Variants in GPC6 observed in about 807,000 individuals in gnomAD.
GPC6 encodes the protein glypican-6.
In GPC6, 14 loss-of-function variants were observed where a neutral mutation model predicts 55.2. The ratio of observed to expected loss-of-function variants is 0.25; its 90% confidence interval spans 0.17 to 0.40. The LOEUF (loss-of-function observed/expected upper bound fraction) is 0.40, where lower values mean the gene tolerates loss of function less well. Among genes scored for constraint, GPC6 ranks in the 10% least tolerant of loss-of-function variants. GPC6 has a pLI of 1.00. For missense variants in GPC6, 641 were observed against 708.5 expected, an observed-to-expected ratio of 0.90 and a Z score of 1.08; for synonymous variants, 278 against 259.6, an observed-to-expected ratio of 1.07 and a Z score of -0.68.
chr13:94,031,426 C>T (rs576900012), intron 4 of GPC6, among the ~76,000 whole-genome samples: 6 of 152,218 alleles, frequency 3.9e-5, no homozygotes, highest in Admixed American at 3.9e-4. Flanking sequence ...AAAGCACAAC[C>T]CAGATTCCAC....
intron 2 of GPC6, among the ~76,000 whole-genome samples, chr13:93,682,536 C>A (rs1241563679): frequency 6.6e-6 from 1 of 152,132 alleles, no homozygotes; most frequent in East Asian, 1.9e-4. Context: ...CGGCATTCCA[C>A]AGCATCCTCT....
chr13:93,501,283 G>C (rs1880510787), intron 1 of GPC6, among the ~76,000 whole-genome samples: 1 of 151,962 alleles, frequency 6.6e-6, no homozygotes, highest in Non-Finnish European at 1.5e-5. Context: ...CCTCTAAAGA[G>C]AAATAGCACT....
intron 2 of GPC6, among the ~76,000 whole-genome samples, chr13:93,572,259 G>A (rs1876442135): frequency 1.3e-5 from 2 of 152,162 alleles, no homozygotes; most frequent in South Asian, 4.1e-4. Flanking sequence ...TGCATTTGTG[G>A]TGCTTTTTAT....
chr13:93,845,901 T>C (rs1423015045), intron 3 of GPC6, among the ~76,000 whole-genome samples: 1 of 150,416 alleles, frequency 6.6e-6, no homozygotes, highest in Non-Finnish European at 1.5e-5. Context: ...AGTTAGTGGG[T>C]GCAGCGCACC....
At chr13:93,762,061 A>T (rs1190489192) in intron 2 of GPC6, among the ~76,000 whole-genome samples, 1 of 151,812 alleles carries the variant, frequency 6.6e-6, no homozygotes, top group Non-Finnish European at 1.5e-5. Context: ...TCTGGTAATC[A>T]CTGTTCTACT....
intron 1 of GPC6, among the ~76,000 whole-genome samples, chr13:93,357,171 A>C (rs976493834): frequency 6.6e-6 from 1 of 152,204 alleles, no homozygotes; most frequent in Admixed American, 6.5e-5. Context: ...TTCATTGTGC[A>C]CTGAATTTCT....
At position 94,286,527 on chromosome 13, in the gene GPC6, T is replaced by G. The variant is rs199950183; in HGVS notation, c.1008+48T>G. 3.9e-6 allele frequency: 6 copies of G among 1,546,626 alleles called. No individual in the cohort carries two copies. In the African/African-American group the frequency reaches 8.2e-5, roughly 21 times the overall value. Reference sequence around the variant, plus strand: ...TGCCAATACATGTATGTTATACAGGTGCAATAACCTAAAAACGAAGTAACT... The same window carrying G: ...TGCCAATACATGTATGTTATACAGGGGCAATAACCTAAAAACGAAGTAACT... On this transcript the variant is annotated intron_variant, in intron 5 of 8. Coordinates refer to ENST00000377047, the MANE Select transcript of GPC6 (RefSeq NM_005708.5).
At chr13:94,102,753 C>T (rs1472547498) in intron 4 of GPC6, among the ~76,000 whole-genome samples, 2 of 152,118 alleles carry the variant, frequency 1.3e-5, no homozygotes, top group Admixed American at 1.3e-4. Context: ...GTTATGTTTT[C>T]CTTTTTAAAT....
At chr13:93,881,950 C>G (rs1875005108) in intron 3 of GPC6, among the ~76,000 whole-genome samples, 1 of 151,776 alleles carries the variant, frequency 6.6e-6, no homozygotes, top group Middle Eastern at 3.2e-3. Context: ...AAAAATTAAC[C>G]GAGGAGAGTA....
At chr13:94,069,544 CTG>C (rs1884654234) in intron 4 of GPC6, among the ~76,000 whole-genome samples, 1 of 152,146 alleles carries the variant, frequency 6.6e-6, no homozygotes, top group Admixed American at 6.5e-5. Flanking sequence ...CATTGTCAGA[CTG>C]TAAATTTCTC....
At chr13:93,465,933 G>A (rs895194) in intron 1 of GPC6, among the ~76,000 whole-genome samples, 27,547 of 152,070 alleles carry the variant, frequency 0.18, 3,038 homozygotes, top group East Asian at 0.48. Context: ...TAATATCACT[G>A]TGTTTCAGGA....
intron 4 of GPC6, among the ~76,000 whole-genome samples, chr13:94,213,621 C>T (rs756272146): frequency 6.6e-6 from 1 of 152,150 alleles, no homozygotes; most frequent in Non-Finnish European, 1.5e-5. Context: ...ATGGGACTTG[C>T]CTCGGTTCCA....
chr13:93,385,409 G>A (rs1279928404), intron 1 of GPC6, among the ~76,000 whole-genome samples: 2 of 152,220 alleles, frequency 1.3e-5, no homozygotes, highest in Non-Finnish European at 2.9e-5. Context: ...TAAGCAGAGG[G>A]TGACTTAATC....
chr13:93,633,374 A>G (rs2149222), intron 2 of GPC6, among the ~76,000 whole-genome samples: 70,179 of 152,042 alleles, frequency 0.46, 18,428 homozygotes, highest in Middle Eastern at 0.64. Flanking sequence ...GGCCAGGCGC[A>G]GTGGCTCACG....
chr13:93,341,071 C>A (rs1880238921), intron 1 of GPC6, among the ~76,000 whole-genome samples: 1 of 152,196 alleles, frequency 6.6e-6, no homozygotes, highest in Non-Finnish European at 1.5e-5. Flanking sequence ...CAAGTTGCTG[C>A]AAAATACATT....
rs545656530 is a variant in GPC6, at chr13:93,843,224, C to A, written c.711+12679C>A. Among the ~76,000 whole-genome samples the A allele has an allele frequency of 9.9e-5, 15 of 152,012 alleles. No individual in the cohort carries two copies. The South Asian group carries it at 1.9e-3, about 19-fold the overall frequency. On this transcript the variant is annotated intron_variant, in intron 3 of 8. Transcript: ENST00000377047. ...TACCTAGAAAATAAAACAGTTGGCT[C>A]ACATCGTTTGTTTGCATGTGTGGGT...
rs67667167 is a variant in GPC6 at position 93,295,223 on chromosome 13, T to G, written c.160+67607T>G. 6.1e-3 allele frequency among the ~76,000 whole-genome samples: 830 copies of G among 137,036 alleles called. 11 individuals are homozygous for G. The highest frequency in any genetic ancestry group is 0.022 in the African/African-American group (781 of 36,052). The allele number at this position is 137,036 out of a possible 152,430, so 89.9% of individuals were successfully genotyped here. A position where few individuals can be genotyped will look rare whatever the true frequency, so the allele number is the denominator to read the frequency against. ...GAAGATCACCTGAGTCAAGAGAGGT[T>G]GAGGATGCAGCAGACAGTGGTCGTG... is the stretch of plus-strand genomic sequence containing the variant. On this transcript the variant is annotated intron_variant, in intron 1 of 8. Transcript: ENST00000377047.
chr13:94,008,430 G>A (rs779374697), intron 3 of GPC6, among the ~76,000 whole-genome samples: 29 of 152,138 alleles, frequency 1.9e-4, no homozygotes, highest in African/African-American at 2.4e-5. Context: ...TGAGGTGAGT[G>A]GATCACTTGA....
chr13:94,364,249 T>C (rs1285710035), intron 6 of GPC6, among the ~76,000 whole-genome samples: 1 of 152,170 alleles, frequency 6.6e-6, no homozygotes, highest in Non-Finnish European at 1.5e-5. Flanking sequence ...GAGGACCCAT[T>C]TAGGTTATTG....
Sources: allele counts gnomAD v4.1 joint callset (sites outside exome capture counted in the v4.1 genomes callset), GRCh38; gene constraint gnomAD v4.1.1; transcripts MANE v1.5; gene names NCBI Gene and HGNC (gene_info 2026-07-23, HGNC 2026-07-21).